The following PIK3C2G variants were observed in gnomAD, a reference collection of about 807,000 sequenced individuals.
PIK3C2G encodes the protein phosphatidylinositol-4-phosphate 3-kinase catalytic subunit type 2 gamma, also known as phosphatidylinositol 3-kinase C2 domain-containing subunit gamma.
PIK3C2G carries 168 observed loss-of-function variants against 181.1 expected under a neutral mutation model. The observed-to-expected ratio is 0.93, with a 90% CI of 0.82 to 1.05. The LOEUF is 1.05. Among genes scored for constraint, PIK3C2G ranks in the 50% least tolerant of loss-of-function variants. The probability of loss-of-function intolerance (pLI) is 0.00; values close to 1 mark genes in which losing one functional copy is unlikely to be tolerated. For synonymous variants in PIK3C2G, 573 were observed against 592.2 expected (o/e 0.97, Z 0.47); for missense variants, 1,869 against 1,732.8 (o/e 1.08, Z -1.40).
intron 30 of PIK3C2G, among the ~76,000 whole-genome samples, chr12:18,606,599 C>T (rs926329516): frequency 4.6e-5 from 7 of 152,078 alleles, no homozygotes; most frequent in African/African-American, 1.7e-4. Flanking sequence ...TCACCTCATA[C>T]AATGTATAAA....
intron 13 of PIK3C2G, among the ~76,000 whole-genome samples, chr12:18,374,295 A>G (rs1221670028): frequency 1.3e-5 from 2 of 152,208 alleles, no homozygotes; most frequent in Non-Finnish European, 2.9e-5. Context: ...ATAAACCTTA[A>G]TCTCAAAACA....
At chr12:18,263,794 T>C (rs914433973) in intron 1 of PIK3C2G, among the ~76,000 whole-genome samples, 6 of 152,204 alleles carry the variant, frequency 3.9e-5, no homozygotes, top group Non-Finnish European at 8.8e-5. Flanking sequence ...TAAATTCTGG[T>C]ATATCTGTAA....
At chr12:18,358,072 G>A (rs1380995592) in intron 11 of PIK3C2G, among the ~76,000 whole-genome samples, 1 of 152,196 alleles carries the variant, frequency 6.6e-6, no homozygotes, top group Admixed American at 6.5e-5. Flanking sequence ...AGTTCAGATA[G>A]CTCTTCAAGA....
At chr12:18,603,000 G>A (rs537208837) in intron 30 of PIK3C2G, among the ~76,000 whole-genome samples, 1 of 152,224 alleles carries the variant, frequency 6.6e-6, no homozygotes, top group South Asian at 2.1e-4. Flanking sequence ...TAGTTCACCA[G>A]CAATGGATCC....
At chr12:18,390,720 G>A (rs1032878291) in intron 14 of PIK3C2G, among the ~76,000 whole-genome samples, 1 of 151,898 alleles carries the variant, frequency 6.6e-6, no homozygotes, top group Non-Finnish European at 1.5e-5. Context: ...CGGGTTACAT[G>A]AAAAAAGCAT....
chr12:18,325,475 G>T (rs942479911), intron 8 of PIK3C2G, among the ~76,000 whole-genome samples: 1 of 152,112 alleles, frequency 6.6e-6, no homozygotes, highest in African/African-American at 2.4e-5. Context: ...TTGGGAGTCC[G>T]AGGTGTGCAG....
chr12:18,423,480 G>A (rs1411740122), intron 17 of PIK3C2G, among the ~76,000 whole-genome samples: 2 of 152,082 alleles, frequency 1.3e-5, no homozygotes, highest in Admixed American at 6.6e-5. Context: ...ACTGAGTTAC[G>A]GTAGTAACAG....
intron 1 of PIK3C2G, among the ~76,000 whole-genome samples, chr12:18,252,506 T>C (rs1305327799): frequency 1.3e-5 from 2 of 152,174 alleles, no homozygotes; most frequent in African/African-American, 4.8e-5. Flanking sequence ...AAGTTTTGTG[T>C]GGTGTTGGAG....
intron 18 of PIK3C2G, among the ~76,000 whole-genome samples, chr12:18,443,434 A>C (rs1218781396): frequency 6.7e-6 from 1 of 149,204 alleles, no homozygotes; most frequent in African/African-American, 2.5e-5. Flanking sequence ...CTTTTATTTC[A>C]TACCCTATTA....
At chr12:18,437,901 T>A (rs1419170271) in intron 18 of PIK3C2G, among the ~76,000 whole-genome samples, 1 of 151,906 alleles carries the variant, frequency 6.6e-6, no homozygotes, top group African/African-American at 2.4e-5. Context: ...AAAGAGAGTT[T>A]TATGTTAGTC....
chr12:18,425,580 C>T (rs1044355209), intron 18 of PIK3C2G, among the ~76,000 whole-genome samples: 4 of 151,780 alleles, frequency 2.6e-5, no homozygotes, highest in Non-Finnish European at 4.4e-5. Flanking sequence ...TTGGTAGAGA[C>T]AGGGTTTCAC....
intron 2 of PIK3C2G, among the ~76,000 whole-genome samples, chr12:18,284,550 T>A (rs185004751): frequency 2.7e-4 from 41 of 152,242 alleles, no homozygotes; most frequent in African/African-American, 9.9e-4. Context: ...TCTGAGATAA[T>A]CCAGATGTTG....
chr12:18,610,715 G>C (rs917963186), intron 31 of PIK3C2G, among the ~76,000 whole-genome samples: 1 of 151,974 alleles, frequency 6.6e-6, no homozygotes, highest in Non-Finnish European at 1.5e-5. Flanking sequence ...GCAAAATGAA[G>C]ATTCAGTTAG....
At chr12:18,478,843 C>T (rs1376963158) in intron 18 of PIK3C2G, among the ~76,000 whole-genome samples, 5 of 151,780 alleles carry the variant, frequency 3.3e-5, no homozygotes, top group East Asian at 2.0e-4. Flanking sequence ...GACGTGGCGG[C>T]GCAAGCCTGT....
the PIK3C2G span, among the ~76,000 whole-genome samples, chr12:18,664,315 T>G: frequency 6.6e-6 from 1 of 152,184 alleles, no homozygotes; most frequent in South Asian, 2.1e-4. Flanking sequence ...GAAAATATAT[T>G]TGTACATCCA....
At chr12:18,550,547 A>G (rs1944674091) in intron 26 of PIK3C2G, among the ~76,000 whole-genome samples, 1 of 152,072 alleles carries the variant, frequency 6.6e-6, no homozygotes, top group East Asian at 1.9e-4. Context: ...GGTTTGTCAT[A>G]GATCCATCAT....
intron 24 of PIK3C2G, among the ~76,000 whole-genome samples, chr12:18,515,973 T>C (rs1942511351): frequency 6.6e-6 from 1 of 152,080 alleles, no homozygotes. Context: ...CCTTAAAAAT[T>C]AGTCTTTATA....
chr12:18,347,676 T>C (rs1466110701), intron 11 of PIK3C2G, among the ~76,000 whole-genome samples: 2 of 151,588 alleles, frequency 1.3e-5, no homozygotes, highest in African/African-American at 2.4e-5. Context: ...CAGGGCATGA[T>C]GGCACGTGCC....
the PIK3C2G span, among the ~76,000 whole-genome samples, chr12:18,663,531 T>C: frequency 6.6e-6 from 1 of 152,094 alleles, no homozygotes; most frequent in Non-Finnish European, 1.5e-5. Context: ...GATTTTGATA[T>C]CCATAGGAGG....
Sources: gnomAD v4.1 joint callset for allele counts (sites outside exome capture counted in the v4.1 genomes callset) on GRCh38, gnomAD v4.1.1 for gene constraint, MANE v1.5 for transcripts, NCBI Gene and HGNC (gene_info 2026-07-23, HGNC 2026-07-21) for gene names.